The following CACNA1C variants were observed in gnomAD, a reference collection of about 807,000 sequenced individuals.
The protein encoded by CACNA1C is voltage-dependent L-type calcium channel subunit alpha-1C.
CACNA1C carries 30 observed loss-of-function variants against 229.0 expected under a neutral mutation model. That is an observed-to-expected ratio of 0.13 (90% CI 0.10 to 0.18). The LOEUF (loss-of-function observed/expected upper bound fraction) is 0.18. CACNA1C is among the 10% of genes least tolerant of loss of function. The pLI is 1.00. For missense variants in CACNA1C, 1,658 were observed against 2,845.0 expected (o/e 0.58, Z 9.49); for synonymous variants, 1,114 against 1,132.5 (o/e 0.98, Z 0.33).
chr12:2,290,768 A>G (rs1451085885), intron 3 of CACNA1C, among the ~76,000 whole-genome samples: 2 of 152,174 alleles, frequency 1.3e-5, no homozygotes, highest in Non-Finnish European at 2.9e-5. Flanking sequence ...GACTCCTACC[A>G]GCGTGGAATG....
intron 3 of CACNA1C, among the ~76,000 whole-genome samples, chr12:2,439,921 G>T (rs1379470334): frequency 2.0e-5 from 3 of 152,006 alleles, no homozygotes; most frequent in Admixed American, 2.0e-4. Context: ...GGAGCAGCAG[G>T]CACCTTCTAG....
chr12:2,203,163 C>G (rs922989434), intron 3 of CACNA1C, among the ~76,000 whole-genome samples: 4 of 152,128 alleles, frequency 2.6e-5, no homozygotes, highest in Non-Finnish European at 5.9e-5. Context: ...TGCCTGCAAA[C>G]TATTCAAAGT....
intron 13 of CACNA1C, among the ~76,000 whole-genome samples, chr12:2,577,924 A>G (rs903482027): frequency 6.7e-6 from 1 of 148,652 alleles, no homozygotes; most frequent in South Asian, 2.1e-4. Flanking sequence ...GCTGGAGTGC[A>G]GTGGCGCGAT....
At chr12:2,041,846 C>T (rs544076764) in intron 1 of CACNA1C, among the ~76,000 whole-genome samples, 20 of 152,354 alleles carry the variant, frequency 1.3e-4, no homozygotes, top group African/African-American at 3.8e-4. Context: ...GCTGCCGAGC[C>T]AGGACCTTAC....
rs907730518 is a variant in CACNA1C, at chr12:2,493,214, C to T, written c.941C>T (p.Ser314Phe). ...GATGTTCCAGCAGAAGATGACCCTT[C>T]CCCTTGTGCGCTGGAAACGGGCCAC... ...IADVPAEDDP[S>F]PCALETGHGR... is the part of the protein sequence containing the mutation. The change falls in exon 7 of 47, where the codon TCC becomes TTC. Residue 314 changes from serine (S) to phenylalanine (F), a missense_variant. By Grantham distance (155) the Ser-to-Phe change is radical (BLOSUM62 -2). Transcript: ENST00000399655. This position sits in a 1 kb window ranked among gnomAD's most constrained non-coding sequence, Gnocchi z 4.6. 6 of 1,613,844 alleles carry T rather than the reference C, an allele frequency of 3.7e-6. No homozygotes were observed. In the African/African-American group the frequency reaches 5.3e-5, roughly 14 times the overall value.
At chr12:2,165,653 A>T (rs905177565) in intron 3 of CACNA1C, among the ~76,000 whole-genome samples, 2 of 152,216 alleles carry the variant, frequency 1.3e-5, no homozygotes, top group South Asian at 4.1e-4. Context: ...GCTTAAGATG[A>T]TCCCTTTCTG....
intron 3 of CACNA1C, among the ~76,000 whole-genome samples, chr12:2,316,012 A>G (rs1355125678): frequency 2.0e-5 from 3 of 152,242 alleles, no homozygotes; most frequent in Non-Finnish European, 4.4e-5. Flanking sequence ...CTTTGGCCCC[A>G]ACTCTAAGGG....
Position 2,606,840 on chromosome 12 carries a change from T to C in CACNA1C, c.3210-144T>C, listed in dbSNP as rs375034188. ...TAGCATTTTTTGTTCCTGAAGTTTC[T>C]GCCCACTGAAGCTCCTCCCATGGCT... On this transcript the variant is annotated intron_variant, in intron 25 of 46. Coordinates refer to ENST00000399655, the MANE Select transcript of CACNA1C (RefSeq NM_000719.7). 19 of 1,046,912 alleles carry C rather than the reference T, an allele frequency of 1.8e-5. No individual in the cohort carries two copies. The South Asian group carries it at 2.0e-4, about 11-fold the overall frequency. 64.9% of individuals were successfully genotyped at this position (1,046,912 alleles called of 1,614,324 possible). A position where few individuals can be genotyped will look rare whatever the true frequency, so the allele number is the denominator to read the frequency against.
chr12:2,249,743 G>A (rs938347399), intron 3 of CACNA1C, among the ~76,000 whole-genome samples: 5 of 151,478 alleles, frequency 3.3e-5, no homozygotes, highest in East Asian at 1.9e-4. Context: ...CGGTGGCTCC[G>A]AATCAGTGAC....
intron 3 of CACNA1C, among the ~76,000 whole-genome samples, chr12:2,146,514 C>T (rs1209032706): frequency 6.6e-6 from 1 of 151,168 alleles, no homozygotes; most frequent in African/African-American, 2.4e-5. Flanking sequence ...ACAAAATTCC[C>T]TCCACTGGCG....
chr12:2,521,032 G>C (rs1465427685), intron 9 of CACNA1C, among the ~76,000 whole-genome samples: 1 of 152,260 alleles, frequency 6.6e-6, no homozygotes, highest in Non-Finnish European at 1.5e-5. Flanking sequence ...ACGCCTACTT[G>C]ACTTTAGGGG....
chr12:2,023,206 G>C (rs1214732340), intron 1 of CACNA1C, among the ~76,000 whole-genome samples: 1 of 152,162 alleles, frequency 6.6e-6, no homozygotes, highest in Non-Finnish European at 1.5e-5. Flanking sequence ...CGTTCTGTAG[G>C]TTCATATGTT....
chr12:2,592,918 C>T (rs181475318), intron 18 of CACNA1C, among the ~76,000 whole-genome samples: 119 of 152,076 alleles, frequency 7.8e-4, no homozygotes, highest in Non-Finnish European at 6.3e-4. Context: ...GGATGACCAA[C>T]GACCCCAGTT....
chr12:2,343,859 A>G (rs2096931409), intron 3 of CACNA1C, among the ~76,000 whole-genome samples: 1 of 152,222 alleles, frequency 6.6e-6, no homozygotes, highest in South Asian at 2.1e-4. Flanking sequence ...TCAGAGACAC[A>G]TGCACACACC....
chr12:2,653,725 AC>A lies in CACNA1C; in HGVS notation c.4075-108del. 2.2e-6 allele frequency: 2 copies of A among 904,420 alleles called. No homozygotes were observed. The highest frequency in any genetic ancestry group is 3.6e-6 in the Non-Finnish European group (2 of 561,100). The allele number at this position is 904,420 out of a possible 1,614,324, so 56.0% of individuals were successfully genotyped here. A position where few individuals can be genotyped will look rare whatever the true frequency, so the allele number is the denominator to read the frequency against. ...CTCTTGGAAGTGTCCCCCGGCCCAA[AC>A]CGGGCAATAGCTGATGGCTGCAGAG... On this transcript the variant is annotated intron_variant, in intron 32 of 46. Transcript: ENST00000399655. This position sits in a 1 kb window ranked among gnomAD's most constrained non-coding sequence, Gnocchi z 4.7.
At position 2,493,278 on chromosome 12, in the gene CACNA1C, C is replaced by T. The variant is rs2099740115; in HGVS notation, c.1005C>T (p.Gly335=). ...AGAACGGCACGGTGTGCAAGCCCGGCTGGGATGGTCCCAAGCACGGCATCA... is the reference window on the plus strand; with the variant it reads ...AGAACGGCACGGTGTGCAAGCCCGGTTGGGATGGTCCCAAGCACGGCATCA... The part of the protein sequence containing the change: ...QCQNGTVCKP[G]WDGPKHGITN... Residue 335 remains glycine, a synonymous_variant, in exon 7 of 47, where the codon GGC becomes GGT. Transcript: ENST00000399655. The surrounding 1 kb of genome is among the most constrained non-coding windows in gnomAD (Gnocchi z 4.6). 1 of 1,613,944 alleles carries T rather than the reference C, an allele frequency of 6.2e-7. No individual in the cohort carries two copies. Among genetic ancestry groups the T allele is most frequent in the African/African-American group, 1.3e-5 (1 of 74,946 alleles).
rs760119379 is a variant in CACNA1C at position 2,665,242 on chromosome 12, G to A, written c.4398+252G>A. On this transcript the variant is annotated intron_variant, in intron 35 of 46. Transcript: ENST00000399655. The surrounding 1 kb of genome is among the most constrained non-coding windows in gnomAD (Gnocchi z 5.9). ...GGTGGCATTGTCCCAGAGGACAACG[G>A]GGACATGTGGGGGCCTAGAAAGAAC... 6.6e-6 allele frequency among the ~76,000 whole-genome samples: 1 copy of A among 152,208 alleles called. No homozygotes were observed. Among genetic ancestry groups the A allele is most frequent in the Non-Finnish European group, 1.5e-5 (1 of 68,034 alleles).
rs528384067 is a variant in CACNA1C, at chr12:2,036,238, A to G, written c.139+65037A>G. 9.2e-5 allele frequency among the ~76,000 whole-genome samples: 14 copies of G among 152,324 alleles called. No homozygotes were observed. The East Asian group carries it at 2.1e-3, about 23-fold the overall frequency. On this transcript the variant is annotated intron_variant, in intron 1 of 46. Coordinates refer to the CACNA1C transcript ENST00000682462. ...GTAGACCTAGTCCAGAAAGCCATCTATCCCTTAGTGTCTGAGTGGGCCGTG... is the reference window on the plus strand; with the variant it reads ...GTAGACCTAGTCCAGAAAGCCATCTGTCCCTTAGTGTCTGAGTGGGCCGTG...
rs1333475357 is a variant in CACNA1C at position 2,677,711 on chromosome 12, C to A, written c.4957-22C>A. The A allele has an allele frequency of 6.2e-7, 1 of 1,609,222 alleles. No individual in the cohort carries two copies. The highest frequency in any genetic ancestry group is 1.1e-5 in the South Asian group (1 of 90,038). Reference sequence around the variant, plus strand: ...TGGAGGAAAGGGAGCGTGGTCCTCACCATCCTCCCCTTGGATTCCAGGCTG... The same window carrying A: ...TGGAGGAAAGGGAGCGTGGTCCTCAACATCCTCCCCTTGGATTCCAGGCTG... On this transcript the variant is annotated intron_variant, in intron 40 of 46. Transcript: ENST00000399655. The surrounding 1 kb of genome is among the most constrained non-coding windows in gnomAD (Gnocchi z 7.4).
Sources: gnomAD v4.1 joint callset for allele counts (sites outside exome capture counted in the v4.1 genomes callset) on GRCh38, gnomAD v4.1.1 for gene constraint, Gnocchi (gnomAD v3.1) non-coding constraint, MANE v1.5 for transcripts, NCBI Gene and HGNC (gene_info 2026-07-23, HGNC 2026-07-21) for gene names.